UACA: variants seen among roughly 807,000 people sequenced by gnomAD.
UACA encodes uveal autoantigen with coiled-coil domains and ankyrin repeats, also known as nuclear membrane binding protein.
UACA carries 112 observed loss-of-function variants against 160.5 expected under a neutral mutation model. The observed-to-expected ratio is 0.70, with a 90% CI of 0.60 to 0.82. UACA has a LOEUF of 0.82. UACA is among the 40% of genes least tolerant of loss of function. The pLI, the probability that UACA is intolerant of heterozygous loss-of-function variation, is 0.00. For synonymous variants in UACA, 557 were observed against 568.4 expected (o/e 0.98, Z 0.29); for missense variants, 1,574 against 1,614.6 (o/e 0.97, Z 0.43).
At chr15:70,694,990 TATA>T in intron 3 of UACA, 24 bp downstream of exon 3, 1 of 1,548,100 alleles carries the variant, frequency 6.5e-7, no homozygotes, top group Non-Finnish European at 8.9e-7. Flanking sequence ...CTTTATGTTT[TATA>T]ATTAACTATG....
chr15:70,771,824 G>A, the UACA span, among the ~76,000 whole-genome samples: 7,327 of 151,628 alleles, frequency 0.048, 188 homozygotes, highest in Middle Eastern at 0.078. Flanking sequence ...AAACAGCAAT[G>A]CAACGGCCCT....
chr15:70,689,872 T>C (rs1897865726), intron 5 of UACA, among the ~76,000 whole-genome samples: 3 of 152,132 alleles, frequency 2.0e-5, no homozygotes, highest in Non-Finnish European at 4.4e-5. Flanking sequence ...TTTTAAAATA[T>C]AGCACATTAC....
chr15:70,770,271 T>A, the UACA span, among the ~76,000 whole-genome samples: 578 of 152,320 alleles, frequency 3.8e-3, 5 homozygotes, highest in African/African-American at 0.013. Context: ...CTCCAACATT[T>A]ATTTGGCAGA....
At chr15:70,661,961 T>C (rs1896721117) in intron 17 of UACA, among the ~76,000 whole-genome samples, 1 of 152,192 alleles carries the variant, frequency 6.6e-6, no homozygotes, top group African/African-American at 2.4e-5. Context: ...AAGACAGGGA[T>C]GCCCTCTCTC....
Position 70,676,529 on chromosome 15 carries a change from A to C in UACA, c.1095T>G (p.Thr365=). The change falls in exon 13 of 19, where the codon ACT becomes ACG. Residue 365 remains threonine (T), a synonymous_variant. Transcript: ENST00000322954. ...TAAATCTATTTTTCAGAGCCTCAAT[A>C]GTCCTTAAGCTTTCTTCATGTTGCT... ...KEKQHEESLR[T]IEALKNRFKY... is the part of the protein sequence containing the mutation. 6.2e-7 allele frequency: 1 copy of C among 1,612,734 alleles called. No individual in the cohort carries two copies. The highest frequency in any genetic ancestry group is 8.5e-7 in the Non-Finnish European group (1 of 1,179,576).
intron 1 of UACA, among the ~76,000 whole-genome samples, chr15:70,750,997 A>C (rs2030018687): frequency 6.6e-6 from 1 of 152,222 alleles, no homozygotes; most frequent in Non-Finnish European, 1.5e-5. Context: ...AATGTCATTG[A>C]ATCGTTCACT....
intron 7 of UACA, among the ~76,000 whole-genome samples, chr15:70,684,704 CAAGT>C (rs1402907234): frequency 1.3e-5 from 2 of 150,392 alleles, no homozygotes; most frequent in Non-Finnish European, 3.0e-5. Flanking sequence ...ACACTAAGTT[CAAGT>C]AAGTGTTCAA....
chr15:70,769,689 C>A, the UACA span, among the ~76,000 whole-genome samples: 1 of 151,900 alleles, frequency 6.6e-6, no homozygotes, highest in Non-Finnish European at 1.5e-5. Context: ...AAAAGGAACC[C>A]ATATAAGTGT....
chr15:70,676,318 G>A (rs571628734), intron 13 of UACA, 175 bp downstream of exon 13: 1 of 519,858 alleles, frequency 1.9e-6, no homozygotes, highest in East Asian at 3.0e-5. Context: ...TAACTATGTG[G>A]AGAAAGAGAC....
At chr15:70,751,323 T>C (rs891907312) in intron 1 of UACA, among the ~76,000 whole-genome samples, 4 of 152,206 alleles carry the variant, frequency 2.6e-5, no homozygotes, top group African/African-American at 9.6e-5. Flanking sequence ...GGAAAAGGGC[T>C]AAAGCAGGTG....
At chr15:70,745,979 T>G (rs1595920979) in intron 1 of UACA, among the ~76,000 whole-genome samples, 1 of 152,198 alleles carries the variant, frequency 6.6e-6, no homozygotes, top group East Asian at 1.9e-4. Context: ...ATACAAAAAT[T>G]AAATCAAGAT....
chr15:70,752,928 A>C (rs1206860176), intron 1 of UACA, among the ~76,000 whole-genome samples: 1 of 152,244 alleles, frequency 6.6e-6, no homozygotes, highest in Non-Finnish European at 1.5e-5. Context: ...GTTATAATGC[A>C]ACAAATTAGA....
chr15:70,673,023 G>A (rs987042261), intron 13 of UACA, among the ~76,000 whole-genome samples: 5 of 152,212 alleles, frequency 3.3e-5, no homozygotes, highest in African/African-American at 1.2e-4. Context: ...TTGAACCTGG[G>A]AGGCGGAGGT....
the UACA span, among the ~76,000 whole-genome samples, chr15:70,776,642 T>C: frequency 6.6e-6 from 1 of 152,216 alleles, no homozygotes; most frequent in Non-Finnish European, 1.5e-5. Flanking sequence ...TTGGCCAGGC[T>C]GGTCTCAAAC....
the UACA span, among the ~76,000 whole-genome samples, chr15:70,776,425 CTTTT>C: frequency 2.4e-5 from 3 of 125,308 alleles, no homozygotes; most frequent in Non-Finnish European, 3.3e-5. Context: ...CCTCAAATGT[CTTTT>C]TTTTTTTTTT....
intron 18 of UACA, among the ~76,000 whole-genome samples, chr15:70,658,704 C>T (rs2140878281): frequency 6.6e-6 from 1 of 152,268 alleles, no homozygotes; most frequent in Non-Finnish European, 1.5e-5. Context: ...GCACCCCCTC[C>T]CAACACACAC....
intron 1 of UACA, chr15:70,701,737 C>A: frequency 1.4e-6 from 1 of 732,048 alleles, no homozygotes; most frequent in Non-Finnish European, 2.1e-6. Flanking sequence ...TATTACTAAC[C>A]CCAATCTGCT....
At chr15:70,721,869 A>G (rs1490273428) in intron 1 of UACA, among the ~76,000 whole-genome samples, 1 of 152,204 alleles carries the variant, frequency 6.6e-6, no homozygotes, top group Non-Finnish European at 1.5e-5. Flanking sequence ...TCAAAAAACA[A>G]GGGTACAGAT....
intron 1 of UACA, among the ~76,000 whole-genome samples, chr15:70,700,741 G>A (rs956663837): frequency 2.6e-5 from 4 of 151,878 alleles, no homozygotes; most frequent in African/African-American, 9.7e-5. Context: ...ACTTAAACAG[G>A]TGAGATTTTA....
Sources: allele counts gnomAD v4.1 joint callset (sites outside exome capture counted in the v4.1 genomes callset), GRCh38; gene constraint gnomAD v4.1.1; transcripts MANE v1.5; gene names NCBI Gene and HGNC (gene_info 2026-07-23, HGNC 2026-07-21).